DMD: variants seen among roughly 807,000 people sequenced by gnomAD.
DMD encodes the protein dystrophin.
In DMD, 63 loss-of-function variants were observed where a neutral mutation model predicts 330.1. The ratio of observed to expected loss-of-function variants is 0.19; its 90% confidence interval spans 0.16 to 0.24. The LOEUF is 0.24. DMD is among the 10% of genes least tolerant of loss of function. The probability of loss-of-function intolerance (pLI) is 1.00; values close to 1 mark genes in which losing one functional copy is unlikely to be tolerated. For missense variants in DMD, 3,344 were observed against 2,684.1 expected, an observed-to-expected ratio of 1.25 and a Z score of -5.43; for synonymous variants, 1,223 against 959.8, an observed-to-expected ratio of 1.27 and a Z score of -5.07.
chrX:31,425,695 T>TAC (rs58343053), intron 60 of DMD, among the ~76,000 whole-genome samples: 7 of 103,595 alleles, frequency 6.8e-5, no homozygotes, highest in East Asian at 6.5e-4. Context: ...CAGGCATGAG[T>TAC]ACACACACAC....
At chrX:32,603,140 T>A (rs999782564) in intron 12 of DMD, among the ~76,000 whole-genome samples, 8 of 110,797 alleles carry the variant, frequency 7.2e-5, no homozygotes, top group Non-Finnish European at 1.5e-4. Flanking sequence ...AACACATTTT[T>A]AAAAAAATCA....
At chrX:31,658,296 A>G (rs1426798931) in intron 53 of DMD, 152 bp from the exon 54 acceptor site, 49 of 640,656 alleles carry the variant, frequency 7.6e-5, no homozygotes, top group Non-Finnish European at 1.1e-4. Context: ...GATTTAGTCA[A>G]TCATGACAGT....
chrX:33,254,832 T>C (rs1449672528), intron 1 of DMD, among the ~76,000 whole-genome samples: 2 of 110,627 alleles, frequency 1.8e-5, no homozygotes, highest in Non-Finnish European at 3.8e-5. Context: ...CAAAATGTGA[T>C]GGTCTATTCA....
At chrX:32,773,275 G>C (rs1379829788) in intron 7 of DMD, among the ~76,000 whole-genome samples, 2 of 111,276 alleles carry the variant, frequency 1.8e-5, no homozygotes, top group East Asian at 5.6e-4. Context: ...AATTATTTTA[G>C]TTATTATGAC....
intron 1 of DMD, among the ~76,000 whole-genome samples, chrX:33,280,962 G>A (rs1427835189): frequency 3.6e-5 from 4 of 111,690 alleles, no homozygotes; most frequent in Non-Finnish European, 5.6e-5. Context: ...ATAAGCCTGT[G>A]TAAGTTCAAA....
intron 53 of DMD, among the ~76,000 whole-genome samples, chrX:31,661,219 C>A (rs2081106183): frequency 8.9e-6 from 1 of 112,049 alleles, no homozygotes; most frequent in African/African-American, 3.2e-5. Context: ...CTAAGGAAAT[C>A]TTGACTGAGT....
chrX:32,394,916 C>CAAAACAAAAAAAAAAAAAAAAAAAAAA (rs2098030291), intron 30 of DMD, among the ~76,000 whole-genome samples: 3 of 39,030 alleles, frequency 7.7e-5, no homozygotes, highest in Non-Finnish European at 1.0e-4. Flanking sequence ...AACAAAAAAA[C>CAAAACAAAAAAAAAAAAAAAAAAAAAA]AAAAAAAAAA....
intron 1 of DMD, among the ~76,000 whole-genome samples, chrX:33,022,661 T>TATGTAA (rs1365262207): frequency 9.0e-6 from 1 of 111,164 alleles, no homozygotes; most frequent in Non-Finnish European, 1.9e-5. Context: ...ATTTACTACT[T>TATGTAA]TATACATAAA....
intron 55 of DMD, among the ~76,000 whole-genome samples, chrX:31,530,482 C>A (rs1299320702): frequency 9.1e-6 from 1 of 110,292 alleles, no homozygotes; most frequent in Non-Finnish European, 1.9e-5. Flanking sequence ...TGGTATGCAA[C>A]TGCTTTTGCT....
chrX:32,441,064 A>T, intron 28 of DMD, 116 bp downstream of exon 28: 1 of 809,294 alleles, frequency 1.2e-6, no homozygotes, highest in Non-Finnish European at 1.8e-6. Flanking sequence ...GCTGAGTGAT[A>T]ACATAGTAAT....
At chrX:33,320,031 T>C (rs1030439761) in intron 1 of DMD, among the ~76,000 whole-genome samples, 2 of 111,587 alleles carry the variant, frequency 1.8e-5, no homozygotes, top group East Asian at 2.8e-4. Context: ...CAATTACATA[T>C]ATGGCAGCAT....
At chrX:32,866,724 T>TG (rs1200341173) in intron 2 of DMD, among the ~76,000 whole-genome samples, 7,039 of 38,057 alleles carry the variant, frequency 0.18, 538 homozygotes, top group East Asian at 0.35. Context: ...CACTTTTTTT[T>TG]GGGGGGGGGT....
intron 41 of DMD, among the ~76,000 whole-genome samples, chrX:32,336,940 T>C (rs1487061243): frequency 9.0e-6 from 1 of 111,322 alleles, no homozygotes; most frequent in Non-Finnish European, 1.9e-5. Flanking sequence ...CTACATCATA[T>C]AGCGGATCAC....
rs1005170582 is a variant in DMD at position 32,509,510 on chromosome X, C to A, written c.2293-7668G>T. Among the ~76,000 whole-genome samples the A allele has an allele frequency of 6.3e-5, 7 of 111,762 alleles. 1 individual carries two copies. The highest frequency in any genetic ancestry group is 3.8e-4 in the Admixed American group (4 of 10,508). On this transcript the variant is annotated intron_variant, in intron 18 of 78. Coordinates refer to ENST00000357033, the MANE Select transcript of DMD (RefSeq NM_004006.3). ...ATAGGCCTTCCACAGGTCTATCTTG[C>A]AAAGTAAAAACTGGTTCAAAACAAA...
At chrX:31,299,774 TA>T (rs35813284) in intron 62 of DMD, among the ~76,000 whole-genome samples, 4,358 of 56,850 alleles carry the variant, frequency 0.077, 473 homozygotes, top group African/African-American at 0.28. Context: ...GACTCCGTCT[TA>T]AAAAAAAAAA....
At chrX:32,233,615 ATTT>A (rs1372469164) in intron 43 of DMD, among the ~76,000 whole-genome samples, 1 of 100,527 alleles carries the variant, frequency 9.9e-6, no homozygotes, top group Non-Finnish European at 2.0e-5. Flanking sequence ...TTATTTATTT[ATTT>A]ATTTATTTAT....
intron 2 of DMD, among the ~76,000 whole-genome samples, chrX:32,899,863 T>A (rs1309838244): frequency 9.0e-6 from 1 of 111,422 alleles, no homozygotes. Flanking sequence ...GACTTATTTG[T>A]GGGTTTGAAA....
chrX:32,444,306 G>A (rs2098294658), intron 27 of DMD, among the ~76,000 whole-genome samples: 1 of 109,957 alleles, frequency 9.1e-6, no homozygotes, highest in Non-Finnish European at 1.9e-5. Flanking sequence ...CATGAGGGCA[G>A]AGCATAAAAT....
At chrX:32,866,741 G>GTTTT (rs2082531236) in intron 2 of DMD, among the ~76,000 whole-genome samples, 1 of 35,696 alleles carries the variant, frequency 2.8e-5, no homozygotes, top group Admixed American at 3.3e-4. Flanking sequence ...GGGTGGGGGG[G>GTTTT]TGGGGGGGGG....
Sources: gnomAD v4.1 joint callset for allele counts (sites outside exome capture counted in the v4.1 genomes callset) on GRCh38, gnomAD v4.1.1 for gene constraint, MANE v1.5 for transcripts, NCBI Gene and HGNC (gene_info 2026-07-23, HGNC 2026-07-21) for gene names.